Variants in CAMK1D observed in about 807,000 individuals in gnomAD.
The protein encoded by CAMK1D is calcium/calmodulin dependent protein kinase ID, also known as calcium/calmodulin-dependent protein kinase type 1D.
A neutral mutation model predicts 47.7 loss-of-function variants in CAMK1D; 9 were observed. That is an observed-to-expected ratio of 0.19 (90% CI 0.11 to 0.33). The LOEUF is 0.33. Among genes scored for constraint, CAMK1D ranks in the 10% least tolerant of loss-of-function variants. The pLI, the probability that CAMK1D is intolerant of heterozygous loss-of-function variation, is 1.00. For missense variants in CAMK1D, 291 were observed against 488.7 expected (o/e 0.60, Z 3.81); for synonymous variants, 184 against 184.9 (o/e 0.99, Z 0.04).
At chr10:12,702,761 G>A (rs1311932365) in intron 3 of CAMK1D, among the ~76,000 whole-genome samples, 1 of 152,218 alleles carries the variant, frequency 6.6e-6, no homozygotes, top group African/African-American at 2.4e-5. Flanking sequence ...CTGTGAGCTG[G>A]GGAGAGAGAG....
Position 12,558,968 on chromosome 10 carries a change from C to A in CAMK1D, c.224+5612C>A, listed in dbSNP as rs189297598. Among the ~76,000 whole-genome samples, 9 of 152,252 alleles carry A rather than the reference C, an allele frequency of 5.9e-5. 1 individual carries two copies. Among genetic ancestry groups the A allele is most frequent in the African/African-American group, 1.2e-4 (5 of 41,520 alleles). On this transcript the variant is annotated intron_variant, in intron 2 of 10. Transcript: ENST00000619168. ...TCTTTCTCTCCAAATCAGTGTTTCT[C>A]AGCCCTGGCTGCACCTTAAAATCAC...
chr10:12,585,964 A>G (rs11257907), intron 2 of CAMK1D, among the ~76,000 whole-genome samples: 1,552 of 152,310 alleles, frequency 0.01, 23 homozygotes, highest in African/African-American at 0.035. Flanking sequence ...ATTGAAGGTC[A>G]GCAGTGGCAG....
rs192822481 is a variant in CAMK1D, at chr10:12,825,312, T to A, written c.922-261T>A. ...CACATCTCTTAAATTACAGAGAGAA[T>A]TGGTTTATGTTTATTCTATGTATTT... On this transcript the variant is annotated intron_variant, in intron 9 of 10. Transcript: ENST00000619168. Among the ~76,000 whole-genome samples, 588 of 147,998 alleles carry A rather than the reference T, an allele frequency of 4.0e-3. 16 individuals are homozygous for A. The highest frequency in any genetic ancestry group is 0.036 in the Admixed American group (535 of 14,960).
rs117342973 is a variant in CAMK1D, at chr10:12,797,182, C to T, written c.641+5949C>T. Among the ~76,000 whole-genome samples, 436 of 149,114 alleles carry T rather than the reference C, an allele frequency of 2.9e-3. 3 individuals are homozygous for T. The South Asian group carries it at 0.034, about 12-fold the overall frequency. ...AGCTCTTTCTCTTGGCTGGGTAGCA[C>T]AGCTGACCAGTTCCTTTTTTTTTTT... On this transcript the variant is annotated intron_variant, in intron 6 of 10. Transcript: ENST00000619168.
At chr10:12,512,543 A>G (rs941109390) in intron 1 of CAMK1D, among the ~76,000 whole-genome samples, 1 of 152,142 alleles carries the variant, frequency 6.6e-6, no homozygotes, top group Admixed American at 6.5e-5. Flanking sequence ...CTCGGAGCTC[A>G]TTACTGAAGC....
intron 2 of CAMK1D, among the ~76,000 whole-genome samples, chr10:12,610,876 G>A (rs1386298045): frequency 1.3e-5 from 2 of 152,130 alleles, no homozygotes; most frequent in Non-Finnish European, 2.9e-5. Context: ...TGACTTCCTG[G>A]CTAATACATC....
chr10:12,545,360 G>C (rs992169158), intron 1 of CAMK1D, among the ~76,000 whole-genome samples: 4 of 149,558 alleles, frequency 2.7e-5, no homozygotes, highest in Admixed American at 1.3e-4. Flanking sequence ...TGAGGCAGGA[G>C]AATTGCTTGA....
chr10:12,560,554 GGAAAAA>G (rs1344398424), intron 2 of CAMK1D, among the ~76,000 whole-genome samples: 1 of 89,042 alleles, frequency 1.1e-5, no homozygotes, highest in Non-Finnish European at 2.2e-5. Context: ...ACTCTATCTC[GGAAAAA>G]AAAAAAAAAA....
chr10:12,644,252 G>A (rs1356160844), intron 2 of CAMK1D, among the ~76,000 whole-genome samples: 2 of 152,146 alleles, frequency 1.3e-5, no homozygotes, highest in African/African-American at 4.8e-5. Flanking sequence ...AGTAAAACAA[G>A]CAGGGCAGAG....
intron 1 of CAMK1D, among the ~76,000 whole-genome samples, chr10:12,350,582 G>A (rs978965502): frequency 3.3e-5 from 5 of 151,930 alleles, no homozygotes; most frequent in Non-Finnish European, 7.4e-5. Context: ...CTCTCTCCGG[G>A]CTGCATCGAG....
intron 2 of CAMK1D, among the ~76,000 whole-genome samples, chr10:12,568,789 A>G (rs1837224025): frequency 6.6e-6 from 1 of 152,126 alleles, no homozygotes; most frequent in Non-Finnish European, 1.5e-5. Flanking sequence ...ACTTTCTGAA[A>G]CAGTCAACTA....
Position 12,554,908 on chromosome 10 carries a change from C to T in CAMK1D, c.224+1552C>T, listed in dbSNP as rs544669899. ...TGTTCTTTCATAAGTGTGGTGTCCA[C>T]ACCGTTCCCCACACTGTCATGATTA... On this transcript the variant is annotated intron_variant, in intron 2 of 10. Transcript: ENST00000619168. Among the ~76,000 whole-genome samples the T allele has an allele frequency of 5.3e-5, 8 of 152,282 alleles. No homozygotes were observed. The South Asian group carries it at 1.7e-3, about 32-fold the overall frequency.
chr10:12,368,684 T>C (rs1837918148), intron 1 of CAMK1D, among the ~76,000 whole-genome samples: 1 of 150,168 alleles, frequency 6.7e-6, no homozygotes, highest in African/African-American at 2.5e-5. Flanking sequence ...CCTAGCACTT[T>C]GGGAGGCCCA....
At chr10:12,511,087 G>A (rs1835025928) in intron 1 of CAMK1D, among the ~76,000 whole-genome samples, 1 of 152,180 alleles carries the variant, frequency 6.6e-6, no homozygotes, top group African/African-American at 2.4e-5. Flanking sequence ...TTGTAAATAT[G>A]CTCACATTTT....
At chr10:12,502,047 C>G in intron 1 of CAMK1D, among the ~76,000 whole-genome samples, 1 of 146,722 alleles carries the variant, frequency 6.8e-6, no homozygotes, top group East Asian at 2.1e-4. Context: ...AGGCAGCCAC[C>G]AGGGCAGGCA....
At chr10:12,691,354 TATATATATATATATATATATATAA>T (rs1348628476) in intron 3 of CAMK1D, among the ~76,000 whole-genome samples, 26 of 6,878 alleles carry the variant, frequency 3.8e-3, no homozygotes, top group African/African-American at 0.016. Flanking sequence ...GTTTTCTATA[TATATATATATATATATATATATAA>T]ATATATATAT....
intron 2 of CAMK1D, among the ~76,000 whole-genome samples, chr10:12,582,103 A>G (rs578050329): frequency 5.3e-5 from 8 of 152,276 alleles, no homozygotes; most frequent in African/African-American, 1.4e-4. Context: ...ATTCTTCTAC[A>G]TGTGGCTAAC....
rs148084265 is a variant in CAMK1D at position 12,501,890 on chromosome 10, G to A, written c.93-51335G>A. 2.6e-5 allele frequency among the ~76,000 whole-genome samples: 4 copies of A among 152,284 alleles called. No individual in the cohort carries two copies. The East Asian group carries it at 7.7e-4, about 29-fold the overall frequency. On this transcript the variant is annotated intron_variant, in intron 1 of 10. Coordinates refer to ENST00000619168, the MANE Select transcript of CAMK1D (RefSeq NM_153498.4). Reference sequence around the variant, plus strand: ...CCATTTGATGCTTTTGGAGTGGTGTGTGCAGTTGGTGAGCAGTGCTGCTGT... The same window carrying A: ...CCATTTGATGCTTTTGGAGTGGTGTATGCAGTTGGTGAGCAGTGCTGCTGT...
At chr10:12,744,740 TAAAA>T (rs10589773) in intron 3 of CAMK1D, among the ~76,000 whole-genome samples, 19,251 of 136,562 alleles carry the variant, frequency 0.14, 3,169 homozygotes, top group African/African-American at 0.4. Flanking sequence ...AAATAAAAAT[TAAAA>T]AAAAAAAAAA....
Sources: allele counts gnomAD v4.1 joint callset (sites outside exome capture counted in the v4.1 genomes callset), GRCh38; gene constraint gnomAD v4.1.1; transcripts MANE v1.5; gene names NCBI Gene and HGNC (gene_info 2026-07-23, HGNC 2026-07-21).